MACF1: variants seen among roughly 807,000 people sequenced by gnomAD.
MACF1 encodes the protein microtubule actin crosslinking factor 1.
MACF1 carries 193 observed loss-of-function variants against 854.8 expected under a neutral mutation model. That is an observed-to-expected ratio of 0.23 (90% CI 0.20 to 0.25). MACF1 has a LOEUF of 0.25. MACF1 is among the 10% of genes least tolerant of loss of function. The pLI is 1.00. For missense variants in MACF1, 7,722 were observed against 8,929.1 expected (o/e 0.86, Z 5.45); for synonymous variants, 3,185 against 3,226.7 (o/e 0.99, Z 0.44).
At chr1:39,123,007 G>T (rs1009072033) in intron 2 of MACF1, among the ~76,000 whole-genome samples, 1 of 151,988 alleles carries the variant, frequency 6.6e-6, no homozygotes, top group African/African-American at 2.4e-5. Flanking sequence ...GAGAAACAAA[G>T]GACTAATTAG....
At chr1:39,402,929 T>C (rs977826639) in intron 58 of MACF1, among the ~76,000 whole-genome samples, 33 of 151,490 alleles carry the variant, frequency 2.2e-4, no homozygotes, top group Admixed American at 4.0e-4. Context: ...AAATATGTGG[T>C]TCCTTAAACT....
At chr1:39,471,650 T>G (rs1315219157) in intron 97 of MACF1, among the ~76,000 whole-genome samples, 4 of 152,194 alleles carry the variant, frequency 2.6e-5, no homozygotes, top group Non-Finnish European at 5.9e-5. Context: ...CAGGAAATCA[T>G]GATGTTTTGG....
chr1:39,289,650 G>A (rs900753101), intron 15 of MACF1, among the ~76,000 whole-genome samples: 1 of 131,788 alleles, frequency 7.6e-6, no homozygotes, highest in Non-Finnish European at 1.6e-5. Flanking sequence ...TCCCTTGTCA[G>A]ATAAGTAGTT....
At chr1:39,096,150 A>G (rs1055008755) in intron 2 of MACF1, among the ~76,000 whole-genome samples, 1 of 149,454 alleles carries the variant, frequency 6.7e-6, no homozygotes, top group Non-Finnish European at 1.5e-5. Flanking sequence ...GATCATCATC[A>G]TCCAGCCTGG....
In MACF1 at chr1:39,291,026, C is replaced by CA. The variant is rs1442456233; in HGVS notation, c.1786-883dup. Reference sequence around the variant, plus strand: ...TCACTCCGTCACCCAGGCTGGAGTGCAGTGGCGTGATCTCCAGTCACTGCA... The same window carrying CA: ...TCACTCCGTCACCCAGGCTGGAGTGCAAGTGGCGTGATCTCCAGTCACTGCA... On this transcript the variant is annotated intron_variant, in intron 15 of 100. Transcript: ENST00000564288. Among the ~76,000 whole-genome samples, 5 of 151,672 alleles carry CA rather than the reference C, an allele frequency of 3.3e-5. No homozygotes were observed. In the East Asian group the frequency reaches 9.7e-4, roughly 29 times the overall value.
chr1:39,240,861 T>A (rs568546708), intron 2 of MACF1, among the ~76,000 whole-genome samples: 2 of 152,324 alleles, frequency 1.3e-5, no homozygotes, highest in African/African-American at 4.8e-5. Flanking sequence ...CCGGTACCAC[T>A]GTTAAATTTC....
intron 1 of MACF1, chr1:39,206,882 C>G (rs1644456303): frequency 6.6e-6 from 1 of 151,882 alleles, no homozygotes; most frequent in Non-Finnish European, 1.5e-5. Context: ...TTGGACATCA[C>G]AGAATAAAGT....
intron 58 of MACF1, among the ~76,000 whole-genome samples, chr1:39,415,853 T>G (rs1365521561): frequency 6.6e-6 from 1 of 152,168 alleles, no homozygotes; most frequent in African/African-American, 2.4e-5. Flanking sequence ...AAGAGATGAC[T>G]GAGTGAGAAG....
At chr1:39,095,681 G>T (rs986313137) in intron 2 of MACF1, among the ~76,000 whole-genome samples, 1 of 150,586 alleles carries the variant, frequency 6.6e-6, no homozygotes, top group Non-Finnish European at 1.5e-5. Context: ...AGAAGTTCAA[G>T]ACCAGCCTGA....
chr1:39,347,119 G>C lies in MACF1; in HGVS notation c.10724G>C (p.Arg3575Thr), dbSNP rs1488318507. The change falls in exon 41 of 101, where the codon AGG becomes ACG. Residue 3575 changes from arginine (R) to threonine (T), a missense_variant. Physicochemically the swap from Arg to Thr is moderately conservative, Grantham distance 71. Coordinates refer to ENST00000564288, the MANE Select transcript of MACF1 (RefSeq NM_001394062.1). ...CTGAGGCTTCTGAATGAACTGCAGA[G>C]GTCCTTCCAGGACATTTTGGAACAG... ...QMLRLLNELQ[R>T]SFQDILEQTA... The C allele has an allele frequency of 6.2e-7, 1 of 1,614,028 alleles. No homozygotes were observed. Among genetic ancestry groups the C allele is most frequent in the African/African-American group, 1.3e-5 (1 of 75,034 alleles).
chr1:39,132,942 C>T (rs1398080428), intron 2 of MACF1, among the ~76,000 whole-genome samples: 1 of 152,222 alleles, frequency 6.6e-6, no homozygotes, highest in Non-Finnish European at 1.5e-5. Context: ...GCCCCTTCTC[C>T]CCCATAGGTT....
intron 23 of MACF1, among the ~76,000 whole-genome samples, chr1:39,308,972 T>G (rs974515244): frequency 6.6e-6 from 1 of 152,196 alleles, no homozygotes; most frequent in Admixed American, 6.6e-5. Flanking sequence ...ACCAGGTGAA[T>G]TTCTTAAGCT....
At chr1:39,420,375 T>A (rs969982862) in intron 58 of MACF1, among the ~76,000 whole-genome samples, 23 of 152,184 alleles carry the variant, frequency 1.5e-4, no homozygotes, top group Admixed American at 6.5e-5. Flanking sequence ...TTTTCCTGCC[T>A]CTATCTGATT....
At chr1:39,139,972 A>G (rs1344828271) in intron 2 of MACF1, among the ~76,000 whole-genome samples, 1 of 148,688 alleles carries the variant, frequency 6.7e-6, no homozygotes, top group East Asian at 2.0e-4. Context: ...AATTTTTTTT[A>G]GAGACAAGGT....
chr1:39,446,564 C>T (rs1644236285), intron 80 of MACF1, among the ~76,000 whole-genome samples: 1 of 151,404 alleles, frequency 6.6e-6, no homozygotes, highest in African/African-American at 2.4e-5. Flanking sequence ...GAAATTACAA[C>T]CCAGTCAGGT....
At chr1:39,254,593 C>G (rs1308640025) in intron 5 of MACF1, 2 of 481,696 alleles carry the variant, frequency 4.2e-6, no homozygotes, top group Admixed American at 3.7e-5. Context: ...GAAGAATGTT[C>G]ACGGAGAAGA....
At chr1:39,354,217 C>G (rs1328030281) in intron 44 of MACF1, among the ~76,000 whole-genome samples, 1 of 152,056 alleles carries the variant, frequency 6.6e-6, no homozygotes. Context: ...CCTTTACATG[C>G]TCTTGGAACT....
intron 2 of MACF1, among the ~76,000 whole-genome samples, chr1:39,177,418 G>A (rs923359387): frequency 3.3e-5 from 5 of 152,036 alleles, no homozygotes; most frequent in Non-Finnish European, 7.4e-5. Context: ...CACCTTTCCC[G>A]GCCTAACTAC....
intron 62 of MACF1, 65 bp downstream of exon 62, chr1:39,427,679 C>A: frequency 6.7e-7 from 1 of 1,487,678 alleles, no homozygotes; most frequent in Non-Finnish European, 9.2e-7. Flanking sequence ...AATGAGTAAA[C>A]TGCCTGCAGC....
Sources: gnomAD v4.1 joint callset for allele counts (sites outside exome capture counted in the v4.1 genomes callset) on GRCh38, gnomAD v4.1.1 for gene constraint, MANE v1.5 for transcripts, NCBI Gene and HGNC (gene_info 2026-07-23, HGNC 2026-07-21) for gene names.